The following PTPRG variants were observed in gnomAD, a reference collection of about 807,000 sequenced individuals.
The protein encoded by PTPRG is receptor-type tyrosine-protein phosphatase gamma.
In PTPRG, 102 loss-of-function variants were observed where a neutral mutation model predicts 165.3. The observed-to-expected ratio is 0.62, with a 90% CI of 0.53 to 0.73. PTPRG has a LOEUF of 0.73. Ranked by LOEUF, PTPRG falls within the 30% of genes least tolerant of loss-of-function variation. PTPRG has a pLI of 0.00. For synonymous variants in PTPRG, 675 were observed against 669.5 expected (o/e 1.01, Z -0.13); for missense variants, 1,866 against 1,861.4 (o/e 1.00, Z -0.05).
At chr3:61,917,466 C>G (rs903270056) in intron 2 of PTPRG, among the ~76,000 whole-genome samples, 1 of 152,108 alleles carries the variant, frequency 6.6e-6, no homozygotes, top group African/African-American at 2.4e-5. Context: ...TAAAATCACA[C>G]CCTACCTTAG....
At chr3:61,983,993 G>A (rs1002739639) in intron 2 of PTPRG, among the ~76,000 whole-genome samples, 1 of 152,138 alleles carries the variant, frequency 6.6e-6, no homozygotes, top group African/African-American at 2.4e-5. Context: ...AAGAAACTGA[G>A]TATGAAGTGA....
intron 8 of PTPRG, among the ~76,000 whole-genome samples, chr3:62,172,780 G>A (rs926914771): frequency 1.3e-5 from 2 of 152,160 alleles, no homozygotes; most frequent in African/African-American, 4.8e-5. Flanking sequence ...TAATCTTCAG[G>A]TAATTCAAAA....
chr3:62,071,424 C>A (rs1283555642), intron 4 of PTPRG, among the ~76,000 whole-genome samples: 1 of 152,184 alleles, frequency 6.6e-6, no homozygotes, highest in African/African-American at 2.4e-5. Context: ...AGGCACACAA[C>A]ACACCTTCTG....
intron 2 of PTPRG, among the ~76,000 whole-genome samples, chr3:61,767,383 A>T (rs981884915): frequency 1.3e-5 from 2 of 152,044 alleles, no homozygotes; most frequent in Admixed American, 1.3e-4. Context: ...TGTAGTAAAT[A>T]GTTTTTTCTA....
At chr3:61,568,824 C>T (rs1022470533) in intron 1 of PTPRG, among the ~76,000 whole-genome samples, 1 of 151,654 alleles carries the variant, frequency 6.6e-6, no homozygotes, top group Non-Finnish European at 1.5e-5. Context: ...GGGAGAATTG[C>T]TTGAACCCAG....
At chr3:61,764,306 G>A (rs2033946066) in intron 2 of PTPRG, among the ~76,000 whole-genome samples, 1 of 152,254 alleles carries the variant, frequency 6.6e-6, no homozygotes, top group African/African-American at 2.4e-5. Context: ...GGAGGCATGA[G>A]GGCATCCTCA....
At chr3:62,189,107 C>T (rs1281790717) in intron 8 of PTPRG, among the ~76,000 whole-genome samples, 1 of 152,148 alleles carries the variant, frequency 6.6e-6, no homozygotes, top group East Asian at 1.9e-4. Flanking sequence ...TGTCCCTTCT[C>T]TGGTGGCATT....
intron 1 of PTPRG, among the ~76,000 whole-genome samples, chr3:61,714,804 G>A (rs2031732996): frequency 6.6e-6 from 1 of 152,188 alleles, no homozygotes; most frequent in Admixed American, 6.5e-5. Context: ...CCTCTGAACT[G>A]TATTAATGGT....
chr3:62,053,331 A>G (rs1700526630), intron 4 of PTPRG, among the ~76,000 whole-genome samples: 1 of 135,828 alleles, frequency 7.4e-6, no homozygotes, highest in Non-Finnish European at 1.5e-5. Flanking sequence ...CAGTGGTGCT[A>G]TCTCAGCTCA....
intron 2 of PTPRG, among the ~76,000 whole-genome samples, chr3:61,779,222 A>G (rs1246859202): frequency 1.3e-5 from 2 of 152,224 alleles, no homozygotes; most frequent in Non-Finnish European, 2.9e-5. Context: ...AGAGTTGTAC[A>G]TTCTCCTGAG....
rs1700407330 is a variant in PTPRG at position 62,213,174 on chromosome 3, A to C, written c.2156-5677A>C. Reference sequence around the variant, plus strand: ...CTGACAGAGGGGAGCATCTAGTGTTACTAAACTGTCAGAATTGTTGTTTGG... The same window carrying C: ...CTGACAGAGGGGAGCATCTAGTGTTCCTAAACTGTCAGAATTGTTGTTTGG... On this transcript the variant is annotated intron_variant, in intron 12 of 29. Transcript: ENST00000474889. This position sits in a 1 kb window ranked among gnomAD's most constrained non-coding sequence, Gnocchi z 4.4. Among the ~76,000 whole-genome samples, 1 of 152,162 alleles carries C rather than the reference A, an allele frequency of 6.6e-6. No homozygotes were observed. The highest frequency in any genetic ancestry group is 2.4e-5 in the African/African-American group (1 of 41,442).
At chr3:61,568,753 C>T (rs141445896) in intron 1 of PTPRG, among the ~76,000 whole-genome samples, 1 of 151,936 alleles carries the variant, frequency 6.6e-6, no homozygotes, top group East Asian at 1.9e-4. Flanking sequence ...TCTAAAAATA[C>T]AAAAATTAGC....
intron 4 of PTPRG, among the ~76,000 whole-genome samples, chr3:62,022,031 T>C (rs1160014684): frequency 6.6e-6 from 1 of 152,164 alleles, no homozygotes; most frequent in Non-Finnish European, 1.5e-5. Context: ...CATATATATG[T>C]ATACAATTTA....
chr3:61,796,396 A>T (rs1163933541), intron 2 of PTPRG, among the ~76,000 whole-genome samples: 3 of 152,156 alleles, frequency 2.0e-5, no homozygotes, highest in Admixed American at 2.0e-4. Context: ...TGTAATAAAT[A>T]ACGGCTGTGA....
At chr3:61,566,703 C>T (rs1014817931) in intron 1 of PTPRG, among the ~76,000 whole-genome samples, 4 of 152,158 alleles carry the variant, frequency 2.6e-5, no homozygotes, top group South Asian at 2.1e-4. Context: ...GACGGAGTGC[C>T]GCCATGTTGG....
intron 26 of PTPRG, among the ~76,000 whole-genome samples, chr3:62,280,534 G>A (rs1702394660): frequency 6.6e-6 from 1 of 151,928 alleles, no homozygotes; most frequent in Non-Finnish European, 1.5e-5. Context: ...ACACCCATTA[G>A]GATAGCTATT....
intron 2 of PTPRG, among the ~76,000 whole-genome samples, chr3:61,934,999 G>A (rs1032092113): frequency 1.3e-5 from 2 of 152,188 alleles, no homozygotes; most frequent in East Asian, 1.9e-4. Flanking sequence ...TTCCCAACAC[G>A]TCCCTTCCAC....
intron 4 of PTPRG, among the ~76,000 whole-genome samples, chr3:62,052,930 G>A (rs990317302): frequency 2.6e-5 from 4 of 152,028 alleles, no homozygotes; most frequent in African/African-American, 9.7e-5. Context: ...TATGCATATC[G>A]CTTTGTTGAT....
At chr3:62,175,483 G>C (rs1019339075) in intron 8 of PTPRG, among the ~76,000 whole-genome samples, 1 of 152,182 alleles carries the variant, frequency 6.6e-6, no homozygotes, top group African/African-American at 2.4e-5. Flanking sequence ...TCTGGGAAGA[G>C]GTTTTTGTGT....
Sources: gnomAD v4.1 joint callset for allele counts (sites outside exome capture counted in the v4.1 genomes callset) on GRCh38, gnomAD v4.1.1 for gene constraint, Gnocchi (gnomAD v3.1) non-coding constraint, MANE v1.5 for transcripts, NCBI Gene and HGNC (gene_info 2026-07-23, HGNC 2026-07-21) for gene names.